The following ITCH variants were observed in gnomAD, a reference collection of about 807,000 sequenced individuals.
The protein encoded by ITCH is E3 ubiquitin-protein ligase Itchy homolog.
ITCH carries 28 observed loss-of-function variants against 126.8 expected under a neutral mutation model. The ratio of observed to expected loss-of-function variants is 0.22; its 90% CI spans 0.16 to 0.30. The LOEUF is 0.30. ITCH is among the 10% of genes least tolerant of loss of function. The pLI, the probability that ITCH is intolerant of heterozygous loss-of-function variation, is 1.00. For synonymous variants in ITCH, 342 were observed against 340.0 expected, an observed-to-expected ratio of 1.01 and a Z score of -0.06; for missense variants, 631 against 1,032.4, an observed-to-expected ratio of 0.61 and a Z score of 5.33.
chr20:34,483,336 C>T lies in ITCH; in HGVS notation c.2093+2130C>T, dbSNP rs561325503. Reference sequence around the variant, plus strand: ...ATTGTTGGGCTGCAAATTTTCCAAACTTTTATGCTCTGCTTCCCTTACAAA... The same window carrying T: ...ATTGTTGGGCTGCAAATTTTCCAAATTTTTATGCTCTGCTTCCCTTACAAA... On this transcript the variant is annotated intron_variant, in intron 20 of 24. Coordinates refer to ENST00000374864, the MANE Select transcript of ITCH (RefSeq NM_031483.7). Among the ~76,000 whole-genome samples, 4 of 152,214 alleles carry T rather than the reference C, an allele frequency of 2.6e-5. No homozygotes were observed. The East Asian group carries it at 7.7e-4, about 29-fold the overall frequency.
At chr20:34,501,952 G>C (rs565232489) in intron 23 of ITCH, among the ~76,000 whole-genome samples, 39 of 152,214 alleles carry the variant, frequency 2.6e-4, no homozygotes, top group African/African-American at 9.1e-4. Context: ...AAATGAGGTA[G>C]ATCTTAAAAG....
chr20:34,485,299 T>C (rs1473768337), intron 20 of ITCH, among the ~76,000 whole-genome samples: 1 of 152,184 alleles, frequency 6.6e-6, no homozygotes, highest in Non-Finnish European at 1.5e-5. Context: ...CTTGAGTAAA[T>C]ACCTAGGAGT....
chr20:34,490,941 T>C (rs1989464592), intron 22 of ITCH, among the ~76,000 whole-genome samples: 1 of 152,230 alleles, frequency 6.6e-6, no homozygotes. Flanking sequence ...CAGATGCTCC[T>C]GGACTTGGAG....
intron 2 of ITCH, among the ~76,000 whole-genome samples, chr20:34,390,228 C>T (rs1393529835): frequency 6.6e-6 from 1 of 152,028 alleles, no homozygotes; most frequent in Non-Finnish European, 1.5e-5. Flanking sequence ...TCTGCAGATA[C>T]TCTGTCAGTC....
chr20:34,368,377 G>A (rs893065556), intron 1 of ITCH, among the ~76,000 whole-genome samples: 14 of 151,236 alleles, frequency 9.3e-5, no homozygotes, highest in Middle Eastern at 3.5e-3. Context: ...TTTGGGTTTT[G>A]GACATTGGTT....
Position 34,393,243 on chromosome 20 carries a change from G to A in ITCH, c.-21-548G>A, listed in dbSNP as rs968713483. 2.6e-5 allele frequency among the ~76,000 whole-genome samples: 4 copies of A among 152,190 alleles called. No individual in the cohort carries two copies. In the East Asian group the frequency reaches 7.7e-4, roughly 29 times the overall value. On this transcript the variant is annotated intron_variant, in intron 2 of 24. Coordinates refer to ENST00000374864, the MANE Select transcript of ITCH (RefSeq NM_031483.7). ...ATGGGTAATTTGGTCAGGTGTGGTGGCTCACGCTGTAATCCAGCACTTTGG... is the reference window on the plus strand; with the variant it reads ...ATGGGTAATTTGGTCAGGTGTGGTGACTCACGCTGTAATCCAGCACTTTGG...
At chr20:34,370,103 C>T (rs1468392136) in intron 2 of ITCH, among the ~76,000 whole-genome samples, 1 of 127,180 alleles carries the variant, frequency 7.9e-6, no homozygotes, top group South Asian at 2.4e-4. Context: ...GACCCTGTCT[C>T]GGAAAAAAAA....
intron 4 of ITCH, among the ~76,000 whole-genome samples, chr20:34,410,378 A>T (rs1978829484): frequency 9.7e-6 from 1 of 103,406 alleles, no homozygotes; most frequent in Admixed American, 1.1e-4. Flanking sequence ...TGTCTCAAAA[A>T]AGAGAGAAAA....
At chr20:34,469,529 A>T (rs1225808577) in intron 14 of ITCH, among the ~76,000 whole-genome samples, 2 of 152,156 alleles carry the variant, frequency 1.3e-5, no homozygotes, top group Admixed American at 1.3e-4. Flanking sequence ...ACCTCAGATG[A>T]TCCACCCGCC....
At position 34,471,459 on chromosome 20, in the gene ITCH, C is replaced by A; in HGVS notation, c.1513C>A (p.Gln505Lys). 4.4e-6 allele frequency: 7 copies of A among 1,604,340 alleles called. No individual in the cohort carries two copies. Among genetic ancestry groups the A allele is most frequent in the Non-Finnish European group, 6.0e-6 (7 of 1,171,082 alleles). ...TCTATTTCAGCAACTGGCCATGCCA[C>A]AGCACATAAAGATTACAGTGACAAG... Reference protein sequence around the residue: ...RFWCQQLAMPQHIKITVTRKT... With the variant: ...RFWCQQLAMPKHIKITVTRKT... Residue 505 changes from glutamine to lysine, a missense_variant, in exon 16 of 25, where the codon CAG (glutamine) becomes AAG (lysine). By Grantham distance (53) the Gln-to-Lys change is moderately conservative (BLOSUM62 1). Transcript: ENST00000374864.
intron 7 of ITCH, among the ~76,000 whole-genome samples, chr20:34,432,478 A>G (rs2146256353): frequency 6.6e-6 from 1 of 152,334 alleles, no homozygotes; most frequent in East Asian, 1.9e-4. Flanking sequence ...GAAAGAAGAA[A>G]CTGTAATGAC....
chr20:34,404,899 C>A (rs1357812616), intron 3 of ITCH, among the ~76,000 whole-genome samples: 2 of 151,832 alleles, frequency 1.3e-5, no homozygotes, highest in Non-Finnish European at 2.9e-5. Flanking sequence ...TTTGGTAGGC[C>A]TAGGTAAGTG....
intron 7 of ITCH, 77 bp downstream of exon 7, chr20:34,424,602 G>C (rs961296126): frequency 8.5e-7 from 1 of 1,177,382 alleles, no homozygotes; most frequent in African/African-American, 1.5e-5. Context: ...GTAAACTTCA[G>C]GTTCATGATA....
At position 34,509,029 on chromosome 20, in the gene ITCH, G is replaced by A. The variant is rs917734524; in HGVS notation, c.*1235G>A. The A allele has an allele frequency of 1.3e-5, 2 of 152,514 alleles. No homozygotes were observed. Among genetic ancestry groups the A allele is most frequent in the Admixed American group, 6.6e-5 (1 of 15,264 alleles). The allele number at this position is 152,514 out of a possible 1,614,324, so 9.4% of individuals were successfully genotyped here. A position where few individuals can be genotyped will look rare whatever the true frequency, so the allele number is the denominator to read the frequency against. Reference sequence around the variant, plus strand: ...AGTTATCATTTCTCTGACATATGTTGGAGTAGTCATTTCCATTCTTTACAT... The same window carrying A: ...AGTTATCATTTCTCTGACATATGTTAGAGTAGTCATTTCCATTCTTTACAT... On this transcript the variant is annotated 3_prime_UTR_variant, in exon 25 of 25. Coordinates refer to ENST00000374864, the MANE Select transcript of ITCH (RefSeq NM_031483.7).
At chr20:34,439,728 A>G (rs774486302) in intron 8 of ITCH, among the ~76,000 whole-genome samples, 1 of 152,208 alleles carries the variant, frequency 6.6e-6, no homozygotes, top group Non-Finnish European at 1.5e-5. Context: ...TAAGAATGTT[A>G]TTTCTTATCA....
At chr20:34,411,122 T>C (rs1236013826) in intron 4 of ITCH, among the ~76,000 whole-genome samples, 1 of 152,182 alleles carries the variant, frequency 6.6e-6, no homozygotes, top group African/African-American at 2.4e-5. Flanking sequence ...GTTAAATTTA[T>C]TTGCCTTTTA....
Position 34,483,707 on chromosome 20 carries a change from A to C in ITCH, c.2093+2501A>C, listed in dbSNP as rs572085736. ...TTTCCTGTCTTCTTCTGAGCCCTCC[A>C]AACTGTTCCAACGTCTGCCTGTTAC... On this transcript the variant is annotated intron_variant, in intron 20 of 24. Coordinates refer to ENST00000374864, the MANE Select transcript of ITCH (RefSeq NM_031483.7). Among the ~76,000 whole-genome samples the C allele has an allele frequency of 4.6e-5, 7 of 152,318 alleles. No homozygotes were observed. In the East Asian group the frequency reaches 1.3e-3, roughly 29 times the overall value.
intron 13 of ITCH, among the ~76,000 whole-genome samples, chr20:34,458,381 G>C (rs1986217977): frequency 6.6e-6 from 1 of 152,158 alleles, no homozygotes; most frequent in East Asian, 1.9e-4. Flanking sequence ...TGCCCAGGCT[G>C]TTCTCAAACT....
intron 2 of ITCH, among the ~76,000 whole-genome samples, chr20:34,383,235 T>C (rs1392410602): frequency 6.6e-6 from 1 of 151,714 alleles, no homozygotes; most frequent in Non-Finnish European, 1.5e-5. Context: ...GTAGAGATAG[T>C]GTCTTGCTAT....
Sources: allele counts gnomAD v4.1 joint callset (sites outside exome capture counted in the v4.1 genomes callset), GRCh38; gene constraint gnomAD v4.1.1; transcripts MANE v1.5; gene names NCBI Gene and HGNC (gene_info 2026-07-23, HGNC 2026-07-21).